Variants in EGLN1 observed in about 807,000 individuals in gnomAD.
EGLN1 encodes the protein egl-9 family hypoxia inducible factor 1.
In EGLN1, 17 loss-of-function variants were observed where a neutral mutation model predicts 38.3. That is an observed-to-expected ratio of 0.44 (90% CI 0.30 to 0.67). The LOEUF (loss-of-function observed/expected upper bound fraction) is 0.67, where lower values mean the gene tolerates loss of function less well. EGLN1 is among the 30% of genes least tolerant of loss of function. The pLI is 0.08. For synonymous variants in EGLN1, 283 were observed against 257.5 expected (o/e 1.10, Z -0.95); for missense variants, 477 against 603.3 (o/e 0.79, Z 2.19).
chr1:231,392,836 G>C (rs1346294863), intron 1 of EGLN1, among the ~76,000 whole-genome samples: 1 of 152,180 alleles, frequency 6.6e-6, no homozygotes, highest in Non-Finnish European at 1.5e-5. Context: ...AGCAGCTTTT[G>C]TTTGCCTGGC....
At chr1:231,412,553 C>T (rs920034996) in intron 1 of EGLN1, among the ~76,000 whole-genome samples, 4 of 152,170 alleles carry the variant, frequency 2.6e-5, no homozygotes, top group Non-Finnish European at 5.9e-5. Context: ...TACTTATAGA[C>T]AACACTAAAA....
intron 4 of EGLN1, 28 bp from the exon 5 acceptor site, chr1:231,366,503 C>T: frequency 6.3e-7 from 1 of 1,587,490 alleles, no homozygotes; most frequent in Non-Finnish European, 8.6e-7. Flanking sequence ...AAAAAATTTT[C>T]ATTCATTCAC....
intron 1 of EGLN1, among the ~76,000 whole-genome samples, chr1:231,413,319 GC>G (rs1352567109): frequency 2.6e-5 from 4 of 151,872 alleles, no homozygotes; most frequent in African/African-American, 4.8e-5. Flanking sequence ...CAAGTGATCC[GC>G]CCACCTCGAC....
At position 231,421,222 on chromosome 1, in the gene EGLN1, C is replaced by T; in HGVS notation, c.667G>A (p.Gly223Ser). ...TCGTGCAGGGCGCGCACCTCGTCGCCGATCTGCTGTCCGGTCTCCTTGCCG... is the reference window on the plus strand; with the variant it reads ...TCGTGCAGGGCGCGCACCTCGTCGCTGATCTGCTGTCCGGTCTCCTTGCCG... ...FLGKETGQQI[G>S]DEVRALHDTG... Residue 223 changes from glycine (G) to serine (S), a missense_variant, in exon 1 of 5, where the codon GGC (glycine) becomes AGC (serine). Gly to Ser is a moderately conservative substitution (Grantham distance 56). This residue lies in a region of EGLN1 where 119 missense variants were observed against 179.0 expected (regional missense o/e 0.66). Transcript: ENST00000366641. The surrounding 1 kb of genome is among the most constrained non-coding windows in gnomAD (Gnocchi z 5.5). 1 of 1,613,992 alleles carries T rather than the reference C, an allele frequency of 6.2e-7. No individual in the cohort carries two copies. Among genetic ancestry groups the T allele is most frequent in the Non-Finnish European group, 8.5e-7 (1 of 1,180,034 alleles).
chr1:231,420,243 TC>T (rs1656529165), intron 1 of EGLN1: 1 of 152,202 alleles, frequency 6.6e-6, no homozygotes, highest in African/African-American at 2.4e-5. Flanking sequence ...TGTTTTGTTT[TC>T]CAGGAAGTTA....
intron 1 of EGLN1, among the ~76,000 whole-genome samples, chr1:231,388,945 G>A (rs890965634): frequency 5.3e-5 from 8 of 152,100 alleles, no homozygotes; most frequent in Admixed American, 1.3e-4. Flanking sequence ...GTGAGCCACC[G>A]CGCCCAGCCT....
chr1:231,397,557 G>A (rs1304770662), intron 1 of EGLN1, among the ~76,000 whole-genome samples: 3 of 152,174 alleles, frequency 2.0e-5, no homozygotes, highest in Non-Finnish European at 4.4e-5. Flanking sequence ...TAGCAGAGTT[G>A]AGTAGTTGCA....
chr1:231,422,013 T>G lies in EGLN1; in HGVS notation c.-125A>C. 6.7e-6 allele frequency: 7 copies of G among 1,051,566 alleles called. No homozygotes were observed. Among genetic ancestry groups the G allele is most frequent in the Non-Finnish European group, 7.4e-6 (6 of 809,382 alleles). The allele number at this position is 1,051,566 out of a possible 1,614,324, so 65.1% of individuals were successfully genotyped here. ...GGCCGTTACTGCGCCATGCACCCGC[T>G]ACCCTCGCCTCAGGGAGGCCGGCAC... On this transcript the variant is annotated 5_prime_UTR_variant, in exon 1 of 5. Transcript: ENST00000366641.
chr1:231,371,282 C>T (rs1687815519), intron 2 of EGLN1, among the ~76,000 whole-genome samples: 1 of 152,150 alleles, frequency 6.6e-6, no homozygotes, highest in Admixed American at 6.5e-5. Flanking sequence ...TTTAAAACTA[C>T]TAAACGTTTA....
chr1:231,418,634 C>G (rs1411855874), intron 1 of EGLN1, among the ~76,000 whole-genome samples: 1 of 152,144 alleles, frequency 6.6e-6, no homozygotes, highest in African/African-American at 2.4e-5. Flanking sequence ...GAGGACAAGG[C>G]AGGAGGATCC....
intron 1 of EGLN1, among the ~76,000 whole-genome samples, chr1:231,396,180 C>T (rs553355618): frequency 6.6e-6 from 1 of 151,720 alleles, no homozygotes; most frequent in East Asian, 1.9e-4. Flanking sequence ...TCTTCCTTTT[C>T]TTTCAATACA....
In EGLN1 at chr1:231,366,382, T is replaced by C. The variant is rs200402260; in HGVS notation, c.*29A>G. On this transcript the variant is annotated 3_prime_UTR_variant, in exon 5 of 5. Transcript: ENST00000366641. ...AACAAATAGTTAACAATATTGTAGG[T>C]GAAGTGGGGTATTGCTGGATCAAAG... 5 of 1,608,282 alleles carry C rather than the reference T, an allele frequency of 3.1e-6. No homozygotes were observed. The East Asian group carries it at 6.7e-5, about 22-fold the overall frequency.
intron 1 of EGLN1, among the ~76,000 whole-genome samples, chr1:231,387,996 C>T (rs75321567): frequency 0.02 from 3,090 of 152,316 alleles, 66 homozygotes; most frequent in East Asian, 0.098. Context: ...CCCTGCTCAT[C>T]TGATCAATAT....
chr1:231,369,652 C>G, intron 3 of EGLN1: 1 of 931,724 alleles, frequency 1.1e-6, no homozygotes, highest in Non-Finnish European at 1.3e-6. Context: ...AGAAAAAAGG[C>G]ACAGCTGATA....
chr1:231,384,214 A>G (rs985265861), intron 1 of EGLN1, among the ~76,000 whole-genome samples: 1 of 152,184 alleles, frequency 6.6e-6, no homozygotes, highest in African/African-American at 2.4e-5. Context: ...CTATGTGTTC[A>G]TTCAACAAAT....
At chr1:231,399,739 T>C (rs1243581636) in intron 1 of EGLN1, among the ~76,000 whole-genome samples, 2 of 152,202 alleles carry the variant, frequency 1.3e-5, no homozygotes, top group East Asian at 2.0e-4. Context: ...GCTAGCATCA[T>C]ACAACCAGCC....
In EGLN1 at chr1:231,421,857, G is replaced by T; in HGVS notation, c.32C>A (p.Pro11Gln). 1 of 1,474,890 alleles carries T rather than the reference G, an allele frequency of 6.8e-7. No individual in the cohort carries two copies. Among genetic ancestry groups the T allele is most frequent in the Non-Finnish European group, 8.9e-7 (1 of 1,119,250 alleles). The allele number at this position is 1,474,890 out of a possible 1,614,324, so 91.4% of individuals were successfully genotyped here. A position where few individuals can be genotyped will look rare whatever the true frequency, so the allele number is the denominator to read the frequency against. MANDSGGPGGPSPSERDRQYC... is the reference protein window; with the variant it reads MANDSGGPGGQSPSERDRQYC... ...CTGCCGGTCTCGCTCGCTCGGGCTC[G>T]GCCCGCCGGGCCCGCCGCTGTCATT... Residue 11 changes from proline (P) to glutamine (Q), a missense_variant, in exon 1 of 5, where the codon CCG (proline) becomes CAG (glutamine). Coordinates refer to ENST00000366641, the MANE Select transcript of EGLN1 (RefSeq NM_022051.3). The surrounding 1 kb of genome is among the most constrained non-coding windows in gnomAD (Gnocchi z 5.5).
intron 1 of EGLN1, among the ~76,000 whole-genome samples, chr1:231,410,382 G>T (rs1354780434): frequency 6.6e-6 from 1 of 152,154 alleles, no homozygotes; most frequent in African/African-American, 2.4e-5. Context: ...ACTGAGTGAG[G>T]CTAGAAGCAG....
intron 1 of EGLN1, among the ~76,000 whole-genome samples, chr1:231,392,025 C>T (rs1472946378): frequency 6.6e-6 from 1 of 152,184 alleles, no homozygotes; most frequent in Non-Finnish European, 1.5e-5. Context: ...CGGTGGCTCA[C>T]GCCTGTAATC....
Sources: allele counts gnomAD v4.1 joint callset (sites outside exome capture counted in the v4.1 genomes callset), GRCh38; gene constraint gnomAD v4.1.1; regional missense constraint gnomAD v4.1.1; non-coding constraint Gnocchi (gnomAD v3.1); transcripts MANE v1.5; gene names NCBI Gene and HGNC (gene_info 2026-07-23, HGNC 2026-07-21).